Variants in RIMS1 observed in about 807,000 individuals in gnomAD.
RIMS1 encodes the protein regulating synaptic membrane exocytosis 1.
A neutral mutation model predicts 214.1 loss-of-function variants in RIMS1; 83 were observed. The ratio of observed to expected loss-of-function variants is 0.39; its 90% CI spans 0.32 to 0.47. The LOEUF (loss-of-function observed/expected upper bound fraction) is 0.47. Among genes scored for constraint, RIMS1 ranks in the 20% least tolerant of loss-of-function variants. The pLI is 0.99. For missense variants in RIMS1, 2,050 were observed against 2,161.8 expected (o/e 0.95, Z 1.03); for synonymous variants, 793 against 786.8 (o/e 1.01, Z -0.13).
At chr6:72,052,295 G>A (rs916538550) in intron 2 of RIMS1, among the ~76,000 whole-genome samples, 7 of 152,264 alleles carry the variant, frequency 4.6e-5, no homozygotes, top group African/African-American at 7.2e-5. Flanking sequence ...ATTTTCCATC[G>A]TAAGTCAGGG....
chr6:72,308,242 A>G (rs1262926286), intron 27 of RIMS1, among the ~76,000 whole-genome samples: 1 of 152,114 alleles, frequency 6.6e-6, no homozygotes, highest in Non-Finnish European at 1.5e-5. Flanking sequence ...AGGAAACACC[A>G]AGGAGTTTAT....
chr6:72,002,427 A>AAGGTT (rs1805579481), intron 2 of RIMS1, among the ~76,000 whole-genome samples: 1 of 152,176 alleles, frequency 6.6e-6, no homozygotes, highest in South Asian at 2.1e-4. Context: ...GGGGAAAAAA[A>AAGGTT]AGGTTCAAAA....
chr6:72,332,477 T>C (rs1190053363), intron 28 of RIMS1, among the ~76,000 whole-genome samples: 11 of 133,912 alleles, frequency 8.2e-5, no homozygotes, highest in African/African-American at 3.1e-4. Flanking sequence ...TAGATGGGAA[T>C]TGAACAATGA....
chr6:71,900,143 C>G (rs1034599530), intron 1 of RIMS1, among the ~76,000 whole-genome samples: 1 of 152,004 alleles, frequency 6.6e-6, no homozygotes, highest in Non-Finnish European at 1.5e-5. Flanking sequence ...AAGGACTGAG[C>G]TAAGATCTGA....
At chr6:72,237,170 C>T (rs1174346028) in intron 8 of RIMS1, among the ~76,000 whole-genome samples, 1 of 150,484 alleles carries the variant, frequency 6.6e-6, no homozygotes, top group Non-Finnish European at 1.5e-5. Context: ...CACATCAACA[C>T]ACTCCTCTGT....
intron 29 of RIMS1, among the ~76,000 whole-genome samples, chr6:72,361,176 C>T (rs1201463002): frequency 3.0e-5 from 4 of 133,260 alleles, no homozygotes; most frequent in Admixed American, 8.6e-5. Context: ...TGGCACGACT[C>T]AGCTCACTGC....
At chr6:72,364,590 T>C (rs2097925475) in intron 29 of RIMS1, among the ~76,000 whole-genome samples, 1 of 152,198 alleles carries the variant, frequency 6.6e-6, no homozygotes, top group Admixed American at 6.5e-5. Flanking sequence ...AGAGTAAGCT[T>C]CTCTTTGGCA....
intron 23 of RIMS1, among the ~76,000 whole-genome samples, chr6:72,279,968 A>C (rs2089245842): frequency 6.6e-6 from 1 of 151,956 alleles, no homozygotes; most frequent in Non-Finnish European, 1.5e-5. Flanking sequence ...TTCATTATGT[A>C]TTATTCAGTA....
intron 1 of RIMS1, among the ~76,000 whole-genome samples, chr6:71,931,591 G>T (rs1439568809): frequency 6.6e-6 from 1 of 151,604 alleles, no homozygotes; most frequent in Non-Finnish European, 1.5e-5. Flanking sequence ...TTTTAATAGG[G>T]TTCTTTTTTT....
intron 2 of RIMS1, among the ~76,000 whole-genome samples, chr6:71,993,059 C>T (rs1238097527): frequency 6.6e-6 from 1 of 152,130 alleles, no homozygotes; most frequent in African/African-American, 2.4e-5. Flanking sequence ...TTCTTTTTAT[C>T]TAAACACACA....
At chr6:72,144,612 T>C (rs1444177416) in intron 4 of RIMS1, among the ~76,000 whole-genome samples, 2 of 152,060 alleles carry the variant, frequency 1.3e-5, no homozygotes, top group Non-Finnish European at 2.9e-5. Context: ...TCCCATGGTC[T>C]TCTTTTCCAA....
At chr6:72,352,194 A>G (rs2097476126) in intron 29 of RIMS1, among the ~76,000 whole-genome samples, 1 of 152,234 alleles carries the variant, frequency 6.6e-6, no homozygotes. Flanking sequence ...TATACTTACA[A>G]GAAAACTGGA....
intron 1 of RIMS1, among the ~76,000 whole-genome samples, chr6:71,902,602 G>T (rs1161615917): frequency 6.6e-6 from 1 of 151,890 alleles, no homozygotes; most frequent in Non-Finnish European, 1.5e-5. Flanking sequence ...GGTAGTTGCT[G>T]GTTTGCTGCA....
intron 26 of RIMS1, among the ~76,000 whole-genome samples, chr6:72,306,738 A>G (rs963195302): frequency 2.7e-4 from 41 of 152,214 alleles, no homozygotes; most frequent in African/African-American, 8.4e-4. Flanking sequence ...GAAGCCACGG[A>G]CAGAAATTAA....
At chr6:71,959,811 G>C (rs1166273580) in intron 1 of RIMS1, among the ~76,000 whole-genome samples, 4 of 152,022 alleles carry the variant, frequency 2.6e-5, no homozygotes, top group Admixed American at 2.6e-4. Flanking sequence ...CAGATATCAG[G>C]TAATTTTGAA....
At chr6:72,141,195 G>A (rs147587139) in intron 4 of RIMS1, among the ~76,000 whole-genome samples, 23 of 152,052 alleles carry the variant, frequency 1.5e-4, no homozygotes, top group African/African-American at 5.5e-4. Context: ...ACACAGTTGT[G>A]GAGTTTAGAT....
chr6:72,325,762 A>C (rs1347361446), intron 28 of RIMS1, among the ~76,000 whole-genome samples: 1 of 151,904 alleles, frequency 6.6e-6, no homozygotes, highest in Non-Finnish European at 1.5e-5. Context: ...AGAGATCATT[A>C]CTTCTTAAGG....
chr6:72,215,699 C>T (rs116764696), intron 6 of RIMS1, among the ~76,000 whole-genome samples: 2,652 of 152,242 alleles, frequency 0.017, 97 homozygotes, highest in African/African-American at 0.061. Flanking sequence ...GTTTTGACTA[C>T]AGCCAGCTTT....
At chr6:71,892,236 T>C (rs563545660) in intron 1 of RIMS1, among the ~76,000 whole-genome samples, 18 of 152,372 alleles carry the variant, frequency 1.2e-4, no homozygotes, top group African/African-American at 4.3e-4. Flanking sequence ...GAAACTAACA[T>C]TTATCGTGTA....
Sources: allele counts gnomAD v4.1 joint callset (sites outside exome capture counted in the v4.1 genomes callset), GRCh38; gene constraint gnomAD v4.1.1; transcripts MANE v1.5; gene names NCBI Gene and HGNC (gene_info 2026-07-23, HGNC 2026-07-21).